The following RECQL5 variants were observed in gnomAD, a reference collection of about 807,000 sequenced individuals.
RECQL5 encodes RecQ like helicase 5.
Under a neutral mutation model 103.4 loss-of-function variants are expected in RECQL5, and 88 were observed. The ratio of observed to expected loss-of-function variants is 0.85; its 90% CI spans 0.72 to 1.02. The LOEUF is 1.02. Ranked by LOEUF, RECQL5 falls within the 50% of genes least tolerant of loss-of-function variation. The probability of loss-of-function intolerance (pLI) is 0.00; values close to 1 mark genes in which losing one functional copy is unlikely to be tolerated. For missense variants in RECQL5, 1,232 were observed against 1,284.3 expected (o/e 0.96, Z 0.62); for synonymous variants, 552 against 507.9 (o/e 1.09, Z -1.17).
intron 7 of RECQL5, 87 bp downstream of exon 7, chr17:75,658,211 C>A: frequency 2.1e-6 from 3 of 1,453,454 alleles, no homozygotes; most frequent in Non-Finnish European, 2.8e-6. Context: ...CTAGCTTACA[C>A]AAGCATCATC....
intron 8 of RECQL5, chr17:75,649,886 A>G: frequency 1.0e-6 from 1 of 985,562 alleles, no homozygotes. Context: ...CTGATGCACT[A>G]AGAAGTCCCA....
At position 75,662,497 on chromosome 17, in the gene RECQL5, T is replaced by C; in HGVS notation, c.753A>G (p.Gly251=). Residue 251 remains glycine (G), a synonymous_variant, in exon 4 of 20, where the codon GGA becomes GGG. Transcript: ENST00000317905. ...NLKDFCLKAL[G]QEADKGLSGC... ...GCCTCACCCCTTTATCAGCCTCCTG[T>C]CCAAGAGCCTTAAGGCAGAAGTCCT... The C allele has an allele frequency of 1.2e-6, 2 of 1,613,784 alleles. No individual in the cohort carries two copies. The highest frequency in any genetic ancestry group is 1.7e-6 in the Non-Finnish European group (2 of 1,179,802).
chr17:75,657,131 GC>G (rs1484781561), intron 7 of RECQL5, among the ~76,000 whole-genome samples: 1 of 152,204 alleles, frequency 6.6e-6, no homozygotes, highest in Non-Finnish European at 1.5e-5. Context: ...CACTCTGGGA[GC>G]CTAAGGTGGG....
chr17:75,650,077 T>C (rs1725932603), intron 8 of RECQL5: 1 of 985,710 alleles, frequency 1.0e-6, no homozygotes, highest in African/African-American at 1.7e-5. Context: ...ACAGGAACAC[T>C]TGGCCCTTTC....
At position 75,661,057 on chromosome 17, in the gene RECQL5, G is replaced by A. The variant is rs763175448; in HGVS notation, c.884C>T (p.Ala295Val). 5 of 1,613,472 alleles carry A rather than the reference G, an allele frequency of 3.1e-6. No homozygotes were observed. The highest frequency in any genetic ancestry group is 4.2e-6 in the Non-Finnish European group (5 of 1,179,500). Reference protein sequence around the residue: ...NAKAYHAGLKASERTLVQNDW... With the variant: ...NAKAYHAGLKVSERTLVQNDW... ...GTTCTGCACCAGCGTTCTTTCAGAG[G>A]CCTTCAGCCCTGTAAAGGAGGGGAA... The change falls in exon 6 of 20, where the codon GCC becomes GTC. Residue 295 changes from alanine (A) to valine (V), a missense_variant. Physicochemically the swap from Ala to Val is moderately conservative, Grantham distance 64 (BLOSUM62 0). Coordinates refer to ENST00000317905, the MANE Select transcript of RECQL5 (RefSeq NM_004259.7).
chr17:75,649,842 G>C, intron 8 of RECQL5: 1 of 985,464 alleles, frequency 1.0e-6, no homozygotes, highest in Non-Finnish European at 1.2e-6. Context: ...TGAGTCCACA[G>C]ATGCCTGGAC....
rs201838121 is a variant in RECQL5, at chr17:75,630,255, C to T, written c.1741G>A (p.Val581Met). The T allele has an allele frequency of 3.7e-5, 58 of 1,561,006 alleles. No individual in the cohort carries two copies. The highest frequency in any genetic ancestry group is 1.4e-4 in the East Asian group (6 of 42,396). The part of the protein sequence containing the change: ...ADEADLRAKA[V>M]ELEHETFRNA... ...CGGAATGTCTCATGTTCCAGCTCCA[C>T]GGCCTTGGCCCGGAGGTCAGCTCTG... The change falls in exon 14 of 20, where the codon GTG becomes ATG. Residue 581 changes from valine (V) to methionine (M), a missense_variant. By Grantham distance (21) the Val-to-Met change is conservative. Coordinates refer to ENST00000317905, the MANE Select transcript of RECQL5 (RefSeq NM_004259.7).
At position 75,627,058 on chromosome 17, in the gene RECQL5, G is replaced by T. The variant is rs542108754; in HGVS notation, c.*364C>A. The T allele has an allele frequency of 2.3e-6, 1 of 434,688 alleles. No homozygotes were observed. Among genetic ancestry groups the T allele is most frequent in the South Asian group, 1.7e-5 (1 of 58,320 alleles). The allele number at this position is 434,688 out of a possible 1,614,324, so 26.9% of individuals were successfully genotyped here. A position where few individuals can be genotyped will look rare whatever the true frequency, so the allele number is the denominator to read the frequency against. On this transcript the variant is annotated 3_prime_UTR_variant, in exon 20 of 20. Coordinates refer to ENST00000317905, the MANE Select transcript of RECQL5 (RefSeq NM_004259.7). ...GAGGATCTGAGGGTCCCCTGGGTAG[G>T]TTCCGATACCTTGGACAGGTGGGCC...
rs200647484 is a variant in RECQL5, at chr17:75,662,601, T to C, written c.649A>G (p.Lys217Glu). The C allele has an allele frequency of 1.1e-5, 18 of 1,614,162 alleles. No homozygotes were observed. The Admixed American group carries it at 2.5e-4, about 22-fold the overall frequency. Residue 217 changes from lysine to glutamate, a missense_variant, in exon 4 of 20, where the codon AAG becomes GAG. Coordinates refer to ENST00000317905, the MANE Select transcript of RECQL5 (RefSeq NM_004259.7). ...AGGTTGGCCCGGAAGCAGGGAGTCT[T>C]GAAGATGGCAACTGGTTTCTTCAGG... ...LHLKKPVAIF[K>E]TPCFRANLFY...
chr17:75,633,744 C>T, intron 8 of RECQL5: 1 of 1,064,342 alleles, frequency 9.4e-7, no homozygotes, highest in Non-Finnish European at 1.1e-6. Context: ...GAGAGCGCTG[C>T]AGGACTCCCC....
chr17:75,643,977 G>A (rs191195890), intron 8 of RECQL5, among the ~76,000 whole-genome samples: 2 of 152,326 alleles, frequency 1.3e-5, no homozygotes, highest in East Asian at 3.9e-4. Context: ...GAAGACCTGC[G>A]TGCCACACTG....
intron 5 of RECQL5, 87 bp downstream of exon 5, chr17:75,661,519 C>G: frequency 2.2e-6 from 2 of 892,372 alleles, no homozygotes; most frequent in South Asian, 2.9e-5. Context: ...TGGTGGGTCA[C>G]CTGATAACCA....
Position 75,630,841 on chromosome 17 carries a change from TGGGGGGG to T in RECQL5, c.1586-11_1586-5del. 2.7e-6 allele frequency: 3 copies of T among 1,129,588 alleles called. No homozygotes were observed. Among genetic ancestry groups the T allele is most frequent in the Non-Finnish European group, 2.3e-6 (2 of 851,150 alleles). The allele number at this position is 1,129,588 out of a possible 1,614,324, so 70.0% of individuals were successfully genotyped here. ...TCTTTCAGGGGACAGTTCTCATCTG[TGGGGGGG>T]GGGGGTGGTCCTTGGTCCTTTCGCT... is the stretch of plus-strand genomic sequence containing the variant. On this transcript the variant is annotated splice_region_variant and splice_polypyrimidine_tract_variant and intron_variant, in intron 11 of 19. Transcript: ENST00000317905.
chr17:75,630,550 C>G (rs1598983869), intron 13 of RECQL5, 69 bp downstream of exon 13: 1 of 1,532,318 alleles, frequency 6.5e-7, no homozygotes, highest in East Asian at 2.3e-5. Context: ...CCAGGGTTGA[C>G]AGGGTCCTGC....
intron 8 of RECQL5, chr17:75,650,839 A>G: frequency 6.7e-7 from 1 of 1,486,210 alleles, no homozygotes; most frequent in Non-Finnish European, 8.9e-7. Flanking sequence ...TGATGCCAGA[A>G]GTCCCAGCTC....
chr17:75,630,939 A>G, intron 11 of RECQL5, 35 bp downstream of exon 11: 1 of 1,610,788 alleles, frequency 6.2e-7, no homozygotes, highest in Admixed American at 1.7e-5. Flanking sequence ...CCCCGGGAAG[A>G]GCCCACAAGC....
At chr17:75,654,333 C>T (rs1233549377) in intron 7 of RECQL5, among the ~76,000 whole-genome samples, 8 of 152,150 alleles carry the variant, frequency 5.3e-5, no homozygotes, top group Non-Finnish European at 1.0e-4. Context: ...TAGAACCTTC[C>T]TTCCTGGAGT....
rs1356109373 is a variant in RECQL5, at chr17:75,640,992, C to A, written c.1230-9324G>T. 2 of 1,495,226 alleles carry A rather than the reference C, an allele frequency of 1.3e-6. No homozygotes were observed. Among genetic ancestry groups the A allele is most frequent in the East Asian group, 5.0e-5 (2 of 40,090 alleles). The allele number at this position is 1,495,226 out of a possible 1,614,324, so 92.6% of individuals were successfully genotyped here. On this transcript the variant is annotated intron_variant, in intron 8 of 19. Coordinates refer to ENST00000317905, the MANE Select transcript of RECQL5 (RefSeq NM_004259.7). The surrounding 1 kb of genome is among the most constrained non-coding windows in gnomAD (Gnocchi z 4.6). ...GCCCTGCAGCCCTTACCCCTCAAGA[C>A]CAGGCTCCCCTGGCCCCAGCTCTGG...
In RECQL5 at chr17:75,628,497, C is replaced by T. The variant is rs2059145638; in HGVS notation, c.2581-55G>A. On this transcript the variant is annotated intron_variant, in intron 17 of 19. Coordinates refer to ENST00000317905, the MANE Select transcript of RECQL5 (RefSeq NM_004259.7). ...CTGAGCTCCCTTCCACTGGCCTGCTCCCCTCCTCCAGAAGACTGGGTCCCC... is the reference window on the plus strand; with the variant it reads ...CTGAGCTCCCTTCCACTGGCCTGCTTCCCTCCTCCAGAAGACTGGGTCCCC... The T allele has an allele frequency of 3.2e-6, 5 of 1,578,020 alleles. No homozygotes were observed. The African/African-American group carries it at 5.4e-5, about 17-fold the overall frequency.
Sources: gnomAD v4.1 joint callset for allele counts (sites outside exome capture counted in the v4.1 genomes callset) on GRCh38, gnomAD v4.1.1 for gene constraint, Gnocchi (gnomAD v3.1) non-coding constraint, MANE v1.5 for transcripts, NCBI Gene and HGNC (gene_info 2026-07-23, HGNC 2026-07-21) for gene names.